The following CWC22 variants were observed in gnomAD, a reference collection of about 807,000 sequenced individuals.
CWC22 encodes the protein pre-mRNA-splicing factor CWC22 homolog.
Under a neutral mutation model 117.2 loss-of-function variants are expected in CWC22, and 53 were observed. That is an observed-to-expected ratio of 0.45 (90% CI 0.36 to 0.57). The LOEUF is 0.57. CWC22 is among the 20% of genes least tolerant of loss of function. The pLI, the probability that CWC22 is intolerant of heterozygous loss-of-function variation, is 0.00. For synonymous variants in CWC22, 360 were observed against 355.6 expected, an observed-to-expected ratio of 1.01 and a Z score of -0.14; for missense variants, 980 against 1,068.8, an observed-to-expected ratio of 0.92 and a Z score of 1.16.
In CWC22 at chr2:179,952,438, A is replaced by G. The variant is rs779221631; in HGVS notation, c.1817+33T>C. On this transcript the variant is annotated intron_variant, in intron 17 of 19. Transcript: ENST00000410053. Reference sequence around the variant, plus strand: ...TACAATGGGAGAAAACCAGAGGTCAATAAGAATAAAAAGTGCTTAATGGCA... The same window carrying G: ...TACAATGGGAGAAAACCAGAGGTCAGTAAGAATAAAAAGTGCTTAATGGCA... 11 of 1,515,132 alleles carry G rather than the reference A, an allele frequency of 7.3e-6. No homozygotes were observed. In the East Asian group the frequency reaches 1.4e-4, roughly 20 times the overall value. 93.9% of individuals were successfully genotyped at this position (1,515,132 alleles called of 1,614,324 possible). A position where few individuals can be genotyped will look rare whatever the true frequency, so the allele number is the denominator to read the frequency against.
chr2:179,972,902 G>A (rs1215225688), intron 8 of CWC22, among the ~76,000 whole-genome samples: 5 of 152,052 alleles, frequency 3.3e-5, no homozygotes, highest in East Asian at 1.9e-4. Context: ...CCAGCTACTC[G>A]GGAGGCTGAG....
intron 13 of CWC22, among the ~76,000 whole-genome samples, chr2:179,960,547 A>T (rs558218345): frequency 6.6e-6 from 1 of 152,024 alleles, no homozygotes; most frequent in Non-Finnish European, 1.5e-5. Context: ...AAACAACTGG[A>T]GGTAAAAACA....
rs376470264 is a variant in CWC22, at chr2:179,945,705, T to C, written c.2151A>G (p.Val717=). 2.3e-5 allele frequency: 37 copies of C among 1,577,094 alleles called. No homozygotes were observed. The African/African-American group carries it at 5.0e-4, about 21-fold the overall frequency. The change falls in exon 20 of 20, where the codon GTA becomes GTG. Residue 717 remains valine, a synonymous_variant. Coordinates refer to ENST00000410053, the MANE Select transcript of CWC22 (RefSeq NM_020943.3). ...SSHSSASAND[V]RKKGHGKTRS... Reference sequence around the variant, plus strand: ...TGGTCTTCCCATGTCCCTTCTTTCTTACATCATTAGCTGCGTGTGTAAAAT... The same window carrying C: ...TGGTCTTCCCATGTCCCTTCTTTCTCACATCATTAGCTGCGTGTGTAAAAT...
At chr2:179,957,381 T>C (rs1027684679) in intron 14 of CWC22, among the ~76,000 whole-genome samples, 5 of 152,184 alleles carry the variant, frequency 3.3e-5, no homozygotes, top group African/African-American at 1.2e-4. Context: ...GAACAAAGAC[T>C]GGCAAATCTT....
At chr2:179,982,984 T>C (rs1434850482) in intron 4 of CWC22, among the ~76,000 whole-genome samples, 1 of 152,206 alleles carries the variant, frequency 6.6e-6, no homozygotes, top group Non-Finnish European at 1.5e-5. Context: ...AGATTTTAGC[T>C]AAATCTAAGG....
At chr2:179,946,464 A>AAAGGGG (rs1553556646) in intron 19 of CWC22, among the ~76,000 whole-genome samples, 2 of 92,546 alleles carry the variant, frequency 2.2e-5, no homozygotes, top group African/African-American at 9.4e-5. Flanking sequence ...AAAAAAAAAA[A>AAAGGGG]GGGGGGGGGG....
intron 3 of CWC22, among the ~76,000 whole-genome samples, chr2:179,988,174 T>C (rs1235984651): frequency 6.6e-6 from 1 of 152,214 alleles, no homozygotes; most frequent in African/African-American, 2.4e-5. Context: ...TCCATGGCTC[T>C]GGGGGTTGGG....
chr2:179,990,317 C>T (rs538463015), intron 2 of CWC22, among the ~76,000 whole-genome samples: 1 of 152,046 alleles, frequency 6.6e-6, no homozygotes, highest in Admixed American at 6.6e-5. Flanking sequence ...AGGTCAAATA[C>T]AAAGCACAAG....
intron 13 of CWC22, among the ~76,000 whole-genome samples, chr2:179,960,763 G>C (rs1360613544): frequency 2.0e-5 from 3 of 151,890 alleles, no homozygotes; most frequent in African/African-American, 7.2e-5. Flanking sequence ...CATAAGAAAA[G>C]GCTATAATTA....
intron 17 of CWC22, among the ~76,000 whole-genome samples, chr2:179,951,393 A>T (rs1180265296): frequency 6.6e-6 from 1 of 152,002 alleles, no homozygotes; most frequent in African/African-American, 2.4e-5. Context: ...TCAAGGATGA[A>T]GACCATATAA....
intron 17 of CWC22, 102 bp from the exon 18 acceptor site, chr2:179,951,028 T>C: frequency 1.4e-6 from 1 of 718,170 alleles, no homozygotes; most frequent in South Asian, 1.8e-5. Context: ...AATTACTAAA[T>C]GAAATACAAC....
chr2:180,006,056 T>A (rs995155839), intron 1 of CWC22, among the ~76,000 whole-genome samples: 9 of 152,238 alleles, frequency 5.9e-5, no homozygotes, highest in Non-Finnish European at 1.3e-4. Flanking sequence ...ATAATTTATG[T>A]TAACTCCTGA....
chr2:179,971,520 C>A (rs563939415), intron 8 of CWC22, among the ~76,000 whole-genome samples: 1 of 152,236 alleles, frequency 6.6e-6, no homozygotes, highest in South Asian at 2.1e-4. Flanking sequence ...CCAATTCATT[C>A]TATCAGCAAC....
chr2:179,964,733 C>A, intron 12 of CWC22, 105 bp from the exon 13 acceptor site: 3 of 563,804 alleles, frequency 5.3e-6, no homozygotes, highest in Non-Finnish European at 9.3e-6. Flanking sequence ...AGAATCAATA[C>A]AAATTTAATA....
At chr2:179,953,982 G>A (rs1686521043) in intron 16 of CWC22, among the ~76,000 whole-genome samples, 1 of 152,016 alleles carries the variant, frequency 6.6e-6, no homozygotes, top group Non-Finnish European at 1.5e-5. Context: ...CGAAACACTG[G>A]CATGTTTGGA....
At chr2:179,953,342 G>A (rs1156564620) in intron 16 of CWC22, among the ~76,000 whole-genome samples, 1 of 152,028 alleles carries the variant, frequency 6.6e-6, no homozygotes, top group East Asian at 1.9e-4. Flanking sequence ...ACCATTAGTA[G>A]GATGGCATTC....
At position 179,945,331 on chromosome 2, in the gene CWC22, T is replaced by C. The variant is rs1479379567; in HGVS notation, c.2525A>G (p.Asp842Gly). Residue 842 changes from aspartate to glycine, a missense_variant, in exon 20 of 20, where the codon GAC (aspartate) becomes GGC (glycine). Asp to Gly is a moderately conservative substitution (Grantham distance 94, BLOSUM62 -1). Coordinates refer to ENST00000410053, the MANE Select transcript of CWC22 (RefSeq NM_020943.3). ...ATCTTTTCTTCTGAAATTTTCACTG[T>C]CTTTAATTCGGTGTGTATGCTTCTC... is the stretch of plus-strand genomic sequence containing the variant. ...ENEKHTHRIKDSENFRRKDRS... is the reference protein window; with the variant it reads ...ENEKHTHRIKGSENFRRKDRS... 1 of 1,613,262 alleles carries C rather than the reference T, an allele frequency of 6.2e-7. No homozygotes were observed.
chr2:179,963,517 T>G (rs980415847), intron 13 of CWC22, among the ~76,000 whole-genome samples: 25 of 151,070 alleles, frequency 1.7e-4, no homozygotes, highest in African/African-American at 5.3e-4. Context: ...TAATTTTTTG[T>G]ATTTTTAGTA....
chr2:179,988,486 C>A, intron 3 of CWC22, 91 bp downstream of exon 3: 1 of 677,222 alleles, frequency 1.5e-6, no homozygotes, highest in South Asian at 2.0e-5. Flanking sequence ...AGAAGTTATC[C>A]ACCCTAAAAT....
Sources: gnomAD v4.1 joint callset for allele counts (sites outside exome capture counted in the v4.1 genomes callset) on GRCh38, gnomAD v4.1.1 for gene constraint, MANE v1.5 for transcripts, NCBI Gene and HGNC (gene_info 2026-07-23, HGNC 2026-07-21) for gene names.